The following SLC39A11 variants were observed in gnomAD, a reference collection of about 807,000 sequenced individuals.
SLC39A11 encodes the protein zinc transporter ZIP11.
In SLC39A11, 33 loss-of-function variants were observed where a neutral mutation model predicts 36.1. That is an observed-to-expected ratio of 0.91 (90% confidence interval 0.69 to 1.22). The LOEUF is 1.22. SLC39A11 is among the 50% of genes most tolerant of loss of function. The pLI, the probability that SLC39A11 is intolerant of heterozygous loss-of-function variation, is 0.00. For missense variants in SLC39A11, 432 were observed against 430.3 expected (o/e 1.00, Z -0.03); for synonymous variants, 166 against 170.3 (o/e 0.97, Z 0.20).
chr17:73,086,748 A>C (rs2144860130), intron 2 of SLC39A11, among the ~76,000 whole-genome samples: 1 of 152,334 alleles, frequency 6.6e-6, no homozygotes, highest in Middle Eastern at 3.4e-3. Context: ...TGAACCCAGG[A>C]GGTGGAGGTT....
chr17:72,778,077 G>T (rs989365662), intron 6 of SLC39A11, among the ~76,000 whole-genome samples: 4 of 152,012 alleles, frequency 2.6e-5, no homozygotes, highest in Non-Finnish European at 4.4e-5. Context: ...GTTAATTTTT[G>T]TATTTTTAGT....
intron 3 of SLC39A11, among the ~76,000 whole-genome samples, chr17:73,039,372 T>A (rs1369129317): frequency 6.6e-6 from 1 of 152,178 alleles, no homozygotes; most frequent in East Asian, 1.9e-4. Flanking sequence ...CCCCAGAACG[T>A]CGCACATGCC....
chr17:73,082,992 G>A (rs1354622149), intron 3 of SLC39A11, among the ~76,000 whole-genome samples: 1 of 115,368 alleles, frequency 8.7e-6, no homozygotes, highest in African/African-American at 3.4e-5. Flanking sequence ...CTCCAGCCTG[G>A]ACAACAGAGG....
At chr17:72,854,872 T>C (rs572888131) in intron 5 of SLC39A11, among the ~76,000 whole-genome samples, 66 of 152,332 alleles carry the variant, frequency 4.3e-4, no homozygotes, top group Admixed American at 9.1e-4. Context: ...TGATCTTTTC[T>C]GATGCATCCG....
intron 7 of SLC39A11, among the ~76,000 whole-genome samples, chr17:72,716,979 AAATAT>A (rs1567978671): frequency 8.2e-6 from 1 of 121,224 alleles, no homozygotes; most frequent in Non-Finnish European, 1.7e-5. Context: ...AAAAAAAAAA[AAATAT>A]ATATATATAC....
intron 6 of SLC39A11, among the ~76,000 whole-genome samples, chr17:72,782,942 C>A (rs909163293): frequency 3.7e-5 from 5 of 133,632 alleles, no homozygotes; most frequent in Non-Finnish European, 6.2e-5. Context: ...GCGGAGATTG[C>A]GGTGAGCTGA....
intron 4 of SLC39A11, among the ~76,000 whole-genome samples, chr17:73,012,711 T>C (rs927029943): frequency 2.2e-4 from 34 of 152,242 alleles, no homozygotes; most frequent in Admixed American, 1.8e-3. Context: ...CCCTCTCTAG[T>C]AGTCCCCAGT....
chr17:72,868,275 T>C (rs2080412784), intron 5 of SLC39A11, among the ~76,000 whole-genome samples: 2 of 152,040 alleles, frequency 1.3e-5, no homozygotes, highest in African/African-American at 4.8e-5. Flanking sequence ...GAAAGAAAAA[T>C]AAGTAAAACT....
intron 4 of SLC39A11, among the ~76,000 whole-genome samples, chr17:72,959,325 GTATATATATATATATATATATA>G (rs1186282631): frequency 3.7e-4 from 24 of 65,548 alleles, no homozygotes; most frequent in African/African-American, 2.8e-4. Context: ...GTGTGTGTGT[GTATATATATATATATATATATA>G]TATATATATA....
rs371017447 is a variant in SLC39A11 at position 72,936,860 on chromosome 17, G to C, written c.430+10892C>G. Among the ~76,000 whole-genome samples, 15 of 152,298 alleles carry C rather than the reference G, an allele frequency of 9.8e-5. No individual in the cohort carries two copies. In the East Asian group the frequency reaches 2.9e-3, roughly 29 times the overall value. ...CCCTCACGTGTGCCGTTCACAACAG[G>C]GTTCTCGCTCCTGTGAGAATCTAAT... On this transcript the variant is annotated intron_variant, in intron 5 of 9. Transcript: ENST00000255559.
At chr17:72,685,587 T>C (rs182933810) in intron 7 of SLC39A11, among the ~76,000 whole-genome samples, 2 of 152,362 alleles carry the variant, frequency 1.3e-5, no homozygotes, top group African/African-American at 4.8e-5. Context: ...AGTTTTCATC[T>C]GACCTGGGTT....
At chr17:72,815,925 A>T (rs1051626100) in intron 6 of SLC39A11, among the ~76,000 whole-genome samples, 10 of 152,226 alleles carry the variant, frequency 6.6e-5, no homozygotes, top group Non-Finnish European at 2.9e-5. Flanking sequence ...TGTCTCAAAA[A>T]GTCTGATGTC....
intron 3 of SLC39A11, among the ~76,000 whole-genome samples, chr17:73,059,258 GTATATTCA>G (rs2059764667): frequency 6.6e-6 from 1 of 152,184 alleles, no homozygotes; most frequent in Non-Finnish European, 1.5e-5. Flanking sequence ...AATTACAAAT[GTATATTCA>G]TGAAATGTTA....
intron 5 of SLC39A11, among the ~76,000 whole-genome samples, chr17:72,853,927 G>A (rs371341338): frequency 1.6e-4 from 25 of 152,300 alleles, no homozygotes; most frequent in African/African-American, 5.8e-4. Context: ...GTGTGCCAGA[G>A]TGACAAGAAC....
At chr17:72,947,604 T>C in intron 5 of SLC39A11, 148 bp downstream of exon 5, 2 of 1,158,466 alleles carry the variant, frequency 1.7e-6, no homozygotes, top group South Asian at 1.4e-5. Flanking sequence ...TTTAGCTCCA[T>C]GCAGTAGTAG....
intron 7 of SLC39A11, among the ~76,000 whole-genome samples, chr17:72,702,939 C>CCAAAAAAAAAAAA (rs2072717931): frequency 2.3e-5 from 2 of 86,844 alleles, no homozygotes; most frequent in Non-Finnish European, 4.2e-5. Flanking sequence ...TCCATCTCAC[C>CCAAAAAAAAAAAA]AAAAAAAAAA....
intron 5 of SLC39A11, among the ~76,000 whole-genome samples, chr17:72,905,652 C>T (rs1416429982): frequency 2.0e-5 from 3 of 151,948 alleles, no homozygotes; most frequent in South Asian, 2.1e-4. Context: ...AGTGCAGTGG[C>T]GCAATCTCAG....
At chr17:72,740,031 A>C (rs887762371) in intron 6 of SLC39A11, among the ~76,000 whole-genome samples, 13 of 150,728 alleles carry the variant, frequency 8.6e-5, no homozygotes, top group Non-Finnish European at 1.0e-4. Context: ...CAGTAAAGCA[A>C]GCTAGATAGA....
At chr17:73,068,429 G>T in intron 3 of SLC39A11, 1 of 401,634 alleles carries the variant, frequency 2.5e-6, no homozygotes, top group Non-Finnish European at 4.4e-6. Flanking sequence ...AGTACAACTA[G>T]CTGTAGGTGT....
Sources: gnomAD v4.1 joint callset for allele counts (sites outside exome capture counted in the v4.1 genomes callset) on GRCh38, gnomAD v4.1.1 for gene constraint, MANE v1.5 for transcripts, NCBI Gene and HGNC (gene_info 2026-07-23, HGNC 2026-07-21) for gene names.